The following TREML2 variants were observed in gnomAD, a reference collection of about 807,000 sequenced individuals.
The protein encoded by TREML2 is trem-like transcript 2 protein.
Under a neutral mutation model 25.9 loss-of-function variants are expected in TREML2, and 24 were observed. The observed-to-expected ratio is 0.93, with a 90% CI of 0.67 to 1.30. The LOEUF (loss-of-function observed/expected upper bound fraction) is 1.30, where lower values mean the gene tolerates loss of function less well. Ranked by LOEUF, TREML2 falls within the 50% of genes most tolerant of loss-of-function variation. The pLI is 0.00. For synonymous variants in TREML2, 139 were observed against 155.2 expected (o/e 0.90, Z 0.77); for missense variants, 359 against 395.6 (o/e 0.91, Z 0.78).
chr6:41,197,443 G>T (rs1482215391), intron 2 of TREML2, among the ~76,000 whole-genome samples: 1 of 152,078 alleles, frequency 6.6e-6, no homozygotes, highest in Admixed American at 6.6e-5. Flanking sequence ...CAGGACCTTT[G>T]CATATTCAGC....
At chr6:41,199,152 G>A (rs1766232645) in intron 1 of TREML2, among the ~76,000 whole-genome samples, 1 of 152,170 alleles carries the variant, frequency 6.6e-6, no homozygotes, top group African/African-American at 2.4e-5. Context: ...GTGAGCCACT[G>A]TGCCCGGCAT....
intron 4 of TREML2, 82 bp from the exon 5 acceptor site, chr6:41,192,588 T>G (rs1766085691): frequency 7.1e-7 from 1 of 1,417,266 alleles, no homozygotes; most frequent in Admixed American, 1.8e-5. Flanking sequence ...CCAGCCCCTT[T>G]CTGGCTCTGC....
chr6:41,194,561 T>G lies in TREML2; in HGVS notation c.649A>C (p.Asn217His). 1 of 1,613,970 alleles carries G rather than the reference T, an allele frequency of 6.2e-7. No individual in the cohort carries two copies. Among genetic ancestry groups the G allele is most frequent in the Admixed American group, 1.7e-5 (1 of 60,010 alleles). The change falls in exon 3 of 5, where the codon AAT becomes CAT. Residue 217 changes from asparagine (N) to histidine (H), a missense_variant. Transcript: ENST00000483722. ...GGGCCAGCAGAGGAGTCCCTGGCATTGCTGGGAGACGCGGTCACTGTCTGG... is the reference window on the plus strand; with the variant it reads ...GGGCCAGCAGAGGAGTCCCTGGCATGGCTGGGAGACGCGGTCACTGTCTGG... The part of the protein sequence containing the change: ...GSQTVTASPS[N>H]ARDSSAGPES...
At chr6:41,192,962 T>G in intron 3 of TREML2, 61 bp from the exon 4 acceptor site, 1 of 1,387,934 alleles carries the variant, frequency 7.2e-7, no homozygotes, top group Non-Finnish European at 9.7e-7. Context: ...CTAACCCACG[T>G]TGGGATCGGA....
rs1455589847 is a variant in TREML2 at position 41,194,645 on chromosome 6, C to T, written c.565G>A (p.Gly189Ser). 4 of 1,613,878 alleles carry T rather than the reference C, an allele frequency of 2.5e-6. No homozygotes were observed. Among genetic ancestry groups the T allele is most frequent in the Non-Finnish European group, 3.4e-6 (4 of 1,179,976 alleles). ...LASTRPASKTGYSFTATSTTS... is the reference protein window; with the variant it reads ...LASTRPASKTSYSFTATSTTS... The stretch of plus-strand genomic sequence containing the variant: ...GTGCTGGTAGCAGTGAAGCTGTAGC[C>T]TGTCTTGGAGGCAGGTCTGGTGGAG... The change falls in exon 3 of 5, where the codon GGC becomes AGC. Residue 189 changes from glycine to serine, a missense_variant. Transcript: ENST00000483722.
intron 2 of TREML2, 102 bp downstream of exon 2, chr6:41,198,007 T>G: frequency 8.3e-7 from 1 of 1,199,130 alleles, no homozygotes; most frequent in Non-Finnish European, 1.1e-6. Context: ...CAGTGCAACA[T>G]GACCACTGAT....
chr6:41,193,312 C>T (rs1766100541), intron 3 of TREML2, among the ~76,000 whole-genome samples: 1 of 152,124 alleles, frequency 6.6e-6, no homozygotes, highest in African/African-American at 2.4e-5. Context: ...TCATTTCCAC[C>T]TGCACACATC....
intron 2 of TREML2, among the ~76,000 whole-genome samples, chr6:41,197,884 G>A (rs895003182): frequency 6.6e-6 from 1 of 152,142 alleles, no homozygotes; most frequent in African/African-American, 2.4e-5. Flanking sequence ...GCTAGCTCTG[G>A]GACCCCGGAC....
chr6:41,194,421 G>A lies in TREML2; in HGVS notation c.785+4C>T. The stretch of plus-strand genomic sequence containing the variant: ...TGCCACTCAACCCCAGGCCCCACAG[G>A]TACCTGATGGAGGGCATGGAGGGTA... On this transcript the variant is annotated splice_donor_region_variant and intron_variant, in intron 3 of 4. Coordinates refer to ENST00000483722, the MANE Select transcript of TREML2 (RefSeq NM_024807.4). 9 of 1,551,818 alleles carry A rather than the reference G, an allele frequency of 5.8e-6. No homozygotes were observed. The highest frequency in any genetic ancestry group is 7.9e-6 in the Non-Finnish European group (9 of 1,145,956).
At position 41,191,933 on chromosome 6, in the gene TREML2, C is replaced by T. The variant is rs1182177092; in HGVS notation, c.*494G>A. ...CTTTTAGTCACTGTTTCCTCTCCTC[C>T]AGGATGGGACATCACTGCCTCTGGC... On this transcript the variant is annotated 3_prime_UTR_variant, in exon 5 of 5. Coordinates refer to ENST00000483722, the MANE Select transcript of TREML2 (RefSeq NM_024807.4). 1.2e-5 allele frequency: 2 copies of T among 163,656 alleles called. No homozygotes were observed. Among genetic ancestry groups the T allele is most frequent in the African/African-American group, 2.4e-5 (1 of 41,736 alleles). The allele number at this position is 163,656 out of a possible 1,614,324, so 10.1% of individuals were successfully genotyped here. A position where few individuals can be genotyped will look rare whatever the true frequency, so the allele number is the denominator to read the frequency against.
intron 1 of TREML2, among the ~76,000 whole-genome samples, chr6:41,198,949 G>A (rs1170311076): frequency 4.6e-5 from 7 of 152,320 alleles, no homozygotes; most frequent in African/African-American, 7.2e-5. Context: ...TGTAACCTCC[G>A]CCTCCTGGGT....
intron 1 of TREML2, among the ~76,000 whole-genome samples, chr6:41,200,121 C>T (rs774941012): frequency 3.9e-5 from 6 of 152,270 alleles, no homozygotes; most frequent in Non-Finnish European, 7.3e-5. Flanking sequence ...CCAGCAGCCA[C>T]TAGAGCTGAG....
intron 2 of TREML2, among the ~76,000 whole-genome samples, chr6:41,196,481 G>T (rs1242142415): frequency 6.6e-6 from 1 of 152,166 alleles, no homozygotes; most frequent in Non-Finnish European, 1.5e-5. Flanking sequence ...CCACGGCTTG[G>T]TGCTCCACTC....
At chr6:41,198,573 C>G in intron 1 of TREML2, 144 bp from the exon 2 acceptor site, 2 of 882,982 alleles carry the variant, frequency 2.3e-6, no homozygotes, top group South Asian at 3.5e-5. Flanking sequence ...TACAGCCCCG[C>G]CTTCAGGGAG....
At position 41,194,581 on chromosome 6, in the gene TREML2, G is replaced by A. The variant is rs1766124459; in HGVS notation, c.629C>T (p.Thr210Ile). 6.2e-7 allele frequency: 1 copy of A among 1,614,100 alleles called. No homozygotes were observed. Among genetic ancestry groups the A allele is most frequent in the Non-Finnish European group, 8.5e-7 (1 of 1,180,022 alleles). Residue 210 changes from threonine (T) to isoleucine (I), a missense_variant, in exon 3 of 5, where the codon ACA (threonine) becomes ATA (isoleucine). Coordinates refer to ENST00000483722, the MANE Select transcript of TREML2 (RefSeq NM_024807.4). Reference sequence around the variant, plus strand: ...GGCATTGCTGGGAGACGCGGTCACTGTCTGGGACCCCATGGTCCTCCTGGG... The same window carrying A: ...GGCATTGCTGGGAGACGCGGTCACTATCTGGGACCCCATGGTCCTCCTGGG... ...QGPRRTMGSQ[T>I]VTASPSNARD...
intron 2 of TREML2, among the ~76,000 whole-genome samples, chr6:41,197,279 C>G (rs1178999464): frequency 1.3e-5 from 2 of 152,206 alleles, no homozygotes; most frequent in Non-Finnish European, 2.9e-5. Flanking sequence ...CAAGTCATGA[C>G]AGCTCTCTGA....
intron 3 of TREML2, 84 bp from the exon 4 acceptor site, chr6:41,192,985 ACCCTGAGAGCGTG>A: frequency 8.7e-7 from 1 of 1,153,490 alleles, no homozygotes; most frequent in South Asian, 1.6e-5. Context: ...AGCAGCAGAA[ACCCTGAGAGCGTG>A]CCCTTCCCGG....
intron 4 of TREML2, 108 bp from the exon 5 acceptor site, chr6:41,192,614 G>T: frequency 1.6e-6 from 2 of 1,270,804 alleles, no homozygotes; most frequent in Non-Finnish European, 1.1e-6. Context: ...GTTCCTTCCA[G>T]GTCATCCCCT....
rs1766093545 is a variant in TREML2, at chr6:41,192,894, C to G, written c.793G>C (p.Asp265His). 1.3e-6 allele frequency: 2 copies of G among 1,570,134 alleles called. No homozygotes were observed. The highest frequency in any genetic ancestry group is 1.7e-6 in the Non-Finnish European group (2 of 1,160,606). ...ACCCCAAGCACAGTGGAGTAAACATCCTGGTGCCTGAGAAGAAGGGACAGG... is the reference window on the plus strand; with the variant it reads ...ACCCCAAGCACAGTGGAGTAAACATGCTGGTGCCTGAGAAGAAGGGACAGG... ...LPSMPSIRHQDVYSTVLGVVL... is the reference protein window; with the variant it reads ...LPSMPSIRHQHVYSTVLGVVL... Residue 265 changes from aspartate to histidine, a missense_variant, in exon 4 of 5, where the codon GAT becomes CAT. Transcript: ENST00000483722.
Sources: allele counts gnomAD v4.1 joint callset (sites outside exome capture counted in the v4.1 genomes callset), GRCh38; gene constraint gnomAD v4.1.1; transcripts MANE v1.5; gene names NCBI Gene and HGNC (gene_info 2026-07-23, HGNC 2026-07-21).